C14orf39: variants seen among roughly 807,000 people sequenced by gnomAD.
C14orf39 encodes protein SIX6OS1.
A neutral mutation model predicts 85.6 loss-of-function variants in C14orf39; 66 were observed. The ratio of observed to expected loss-of-function variants is 0.77; its 90% CI spans 0.63 to 0.95. The LOEUF is 0.95. C14orf39 is among the 40% of genes least tolerant of loss of function. The probability of loss-of-function intolerance (pLI) is 0.00; values close to 1 mark genes in which losing one functional copy is unlikely to be tolerated. For synonymous variants in C14orf39, 242 were observed against 214.0 expected (o/e 1.13, Z -1.14); for missense variants, 735 against 663.9 (o/e 1.11, Z -1.18).
intron 9 of C14orf39, among the ~76,000 whole-genome samples, chr14:60,467,939 A>AT (rs397958662): frequency 0.011 from 1,598 of 146,944 alleles, 26 homozygotes; most frequent in African/African-American, 0.033. Flanking sequence ...AAGTCCATCT[A>AT]TTTTTTTTTT....
intron 11 of C14orf39, 78 bp downstream of exon 11, chr14:60,465,901 T>C: frequency 3.2e-6 from 2 of 619,036 alleles, no homozygotes; most frequent in Non-Finnish European, 5.4e-6. Context: ...CACGTCTGTG[T>C]CTTAAGGGCA....
At chr14:60,500,372 A>G (rs972132259) in intron 1 of C14orf39, among the ~76,000 whole-genome samples, 2 of 152,332 alleles carry the variant, frequency 1.3e-5, no homozygotes, top group Middle Eastern at 3.4e-3. Flanking sequence ...AAAATTGGTA[A>G]AAGTCTTTTT....
At chr14:60,501,720 T>C (rs1275040762) in intron 1 of C14orf39, among the ~76,000 whole-genome samples, 1 of 152,172 alleles carries the variant, frequency 6.6e-6, no homozygotes, top group Non-Finnish European at 1.5e-5. Flanking sequence ...GTCCACAGAA[T>C]AGGAAGGCCT....
rs1892983280 is a variant in C14orf39 at position 60,491,182 on chromosome 14, T to C, written c.-8-6096A>G. Reference sequence around the variant, plus strand: ...CTAGATAATTCATAAATAATAGAAATTTATTTCTCACAGTTTTTGAGGTCA... The same window carrying C: ...CTAGATAATTCATAAATAATAGAAACTTATTTCTCACAGTTTTTGAGGTCA... On this transcript the variant is annotated intron_variant, in intron 2 of 5. Transcript: ENST00000556799. This position sits in a 1 kb window ranked among gnomAD's most constrained non-coding sequence, Gnocchi z 4.5. 6.6e-6 allele frequency among the ~76,000 whole-genome samples: 1 copy of C among 152,112 alleles called. No individual in the cohort carries two copies. Among genetic ancestry groups the C allele is most frequent in the African/African-American group, 2.4e-5 (1 of 41,404 alleles).
intron 4 of C14orf39, among the ~76,000 whole-genome samples, chr14:60,480,825 T>A (rs1184269237): frequency 6.6e-6 from 1 of 152,114 alleles, no homozygotes; most frequent in Non-Finnish European, 1.5e-5. Context: ...AACTAAAGGA[T>A]GTTATGCTAA....
At chr14:60,510,672 G>A (rs1324858293) in intron 1 of C14orf39, among the ~76,000 whole-genome samples, 1 of 152,176 alleles carries the variant, frequency 6.6e-6, no homozygotes, top group Non-Finnish European at 1.5e-5. Flanking sequence ...GGGAGCACTT[G>A]CTCAGGCGTA....
rs1045005749 is a variant in C14orf39 at position 60,454,958 on chromosome 14, C to T, written c.1503+43G>A. 5.6e-6 allele frequency: 8 copies of T among 1,423,176 alleles called. No individual in the cohort carries two copies. In the African/African-American group the frequency reaches 1.0e-4, roughly 19 times the overall value. The allele number at this position is 1,423,176 out of a possible 1,614,324, so 88.2% of individuals were successfully genotyped here. A position where few individuals can be genotyped will look rare whatever the true frequency, so the allele number is the denominator to read the frequency against. The stretch of plus-strand genomic sequence containing the variant: ...AGAACTAAAATTACTCAAAGTTTCA[C>T]AGCAGAATTTTTAGAAATAAAACTT... On this transcript the variant is annotated intron_variant, in intron 16 of 17. Transcript: ENST00000321731.
At chr14:60,482,463 T>C (rs768135241) in intron 4 of C14orf39, among the ~76,000 whole-genome samples, 12 of 152,220 alleles carry the variant, frequency 7.9e-5, no homozygotes, top group Non-Finnish European at 1.5e-4. Context: ...TAATAGTCTT[T>C]ATAATAAGTC....
intron 4 of C14orf39, among the ~76,000 whole-genome samples, chr14:60,478,739 A>AG (rs1892508741): frequency 6.6e-6 from 1 of 152,186 alleles, no homozygotes; most frequent in Non-Finnish European, 1.5e-5. Flanking sequence ...TACATTTCTA[A>AG]GATTTTGGTC....
chr14:60,469,385 C>T, intron 8 of C14orf39, 148 bp downstream of exon 8: 1 of 236,304 alleles, frequency 4.2e-6, no homozygotes. Context: ...ACCTAAAATA[C>T]CTTTTGGCTC....
chr14:60,514,190 A>C (rs1316082656), intron 1 of C14orf39, among the ~76,000 whole-genome samples: 2 of 152,158 alleles, frequency 1.3e-5, no homozygotes, highest in Non-Finnish European at 2.9e-5. Context: ...TTTCTTTTTA[A>C]GACTTTTTCC....
At chr14:60,504,043 G>A (rs149469024) in intron 1 of C14orf39, among the ~76,000 whole-genome samples, 3 of 152,108 alleles carry the variant, frequency 2.0e-5, no homozygotes, top group East Asian at 1.9e-4. Flanking sequence ...CAGCATCTCT[G>A]GCCTGCACCC....
At chr14:60,470,366 GCTTTCC>G (rs1892019557) in intron 7 of C14orf39, among the ~76,000 whole-genome samples, 1 of 151,812 alleles carries the variant, frequency 6.6e-6, no homozygotes, top group Non-Finnish European at 1.5e-5. Flanking sequence ...ATTAATCAGG[GCTTTCC>G]TATTCTGCCT....
At chr14:60,463,302 C>A (rs527708182) in intron 11 of C14orf39, among the ~76,000 whole-genome samples, 16 of 152,154 alleles carry the variant, frequency 1.1e-4, no homozygotes, top group Admixed American at 9.2e-4. Context: ...GTAAGAGTTA[C>A]TATGTACTTC....
intron 9 of C14orf39, among the ~76,000 whole-genome samples, chr14:60,467,617 G>A (rs2140109629): frequency 6.6e-6 from 1 of 151,696 alleles, no homozygotes; most frequent in Non-Finnish European, 1.5e-5. Context: ...TTTCTTAAAG[G>A]CGGTCAATAA....
upstream of C14orf39, among the ~76,000 whole-genome samples, chr14:60,487,801 A>G (rs927538305): frequency 6.6e-6 from 1 of 151,908 alleles, no homozygotes; most frequent in Non-Finnish European, 1.5e-5. Flanking sequence ...TGCCTTTTTT[A>G]TCATAGTCAT....
chr14:60,498,021 G>T (rs1893093441), intron 2 of C14orf39, among the ~76,000 whole-genome samples: 1 of 152,208 alleles, frequency 6.6e-6, no homozygotes, highest in African/African-American at 2.4e-5. Context: ...TAGAGATAAT[G>T]AAATTTTGTG....
chr14:60,472,935 G>A (rs1892172941), intron 5 of C14orf39, among the ~76,000 whole-genome samples: 1 of 152,152 alleles, frequency 6.6e-6, no homozygotes. Context: ...TGGGATGGCT[G>A]GGTCAAACGG....
chr14:60,437,526 T>G (rs982935418), intron 17 of C14orf39, among the ~76,000 whole-genome samples: 1 of 151,968 alleles, frequency 6.6e-6, no homozygotes, highest in African/African-American at 2.4e-5. Flanking sequence ...AAGAATTCAT[T>G]GAAGATTTTC....
Sources: gnomAD v4.1 joint callset for allele counts (sites outside exome capture counted in the v4.1 genomes callset) on GRCh38, gnomAD v4.1.1 for gene constraint, Gnocchi (gnomAD v3.1) non-coding constraint, MANE v1.5 for transcripts, NCBI Gene and HGNC (gene_info 2026-07-23, HGNC 2026-07-21) for gene names.